TRIM17: variants seen among roughly 807,000 people sequenced by gnomAD.
TRIM17 encodes the protein tripartite motif containing 17, also known as E3 ubiquitin-protein ligase TRIM17.
A neutral mutation model predicts 35.8 loss-of-function variants in TRIM17; 27 were observed. The ratio of observed to expected loss-of-function variants is 0.75; its 90% CI spans 0.56 to 1.04. The LOEUF (loss-of-function observed/expected upper bound fraction) is 1.04, where lower values mean the gene tolerates loss of function less well. Among genes scored for constraint, TRIM17 ranks in the 50% least tolerant of loss-of-function variants. The pLI is 0.00. For missense variants in TRIM17, 582 were observed against 612.8 expected (o/e 0.95, Z 0.53); for synonymous variants, 246 against 252.6 (o/e 0.97, Z 0.25).
At chr1:228,415,364 C>T (rs1315653735) in intron 1 of TRIM17, 11 of 334,542 alleles carry the variant, frequency 3.3e-5, no homozygotes, top group East Asian at 3.1e-4. Context: ...CGTCCACTTC[C>T]GCCTGCTGCT....
Position 228,411,861 on chromosome 1 carries a change from T to C in TRIM17, c.526-685A>G, listed in dbSNP as rs1370172726. On this transcript the variant is annotated intron_variant, in intron 3 of 6. Transcript: ENST00000366698. The surrounding 1 kb of genome is among the most constrained non-coding windows in gnomAD (Gnocchi z 4.2). ...TTGCCCAGGCTGGGGTTCAGTGGCA[T>C]GATCATGGTTCACTGCTGTCTCAGA... is the stretch of plus-strand genomic sequence containing the variant. Among the ~76,000 whole-genome samples the C allele has an allele frequency of 1.3e-5, 2 of 152,090 alleles. No individual in the cohort carries two copies. Among genetic ancestry groups the C allele is most frequent in the African/African-American group, 2.4e-5 (1 of 41,414 alleles).
At position 228,409,403 on chromosome 1, in the gene TRIM17, CT is replaced by C; in HGVS notation, c.764del (p.Lys255ArgfsTer4). On this transcript the variant is annotated frameshift_variant, in exon 5 of 7. Transcript: ENST00000366698. LOFTEE classifies it high-confidence loss of function. ...QGPLQMLQDM[K>X]EPLSRKNNVS... ...GGACCACATACCTGCTCAGGGGTTC[CT>C]TCATGTCCTGCAAAAGACAGGGACG... 6.5e-7 allele frequency: 1 copy of C among 1,549,548 alleles called. No individual in the cohort carries two copies. The highest frequency in any genetic ancestry group is 8.7e-7 in the Non-Finnish European group (1 of 1,150,346).
In TRIM17 at chr1:228,410,424, C is replaced by T. The variant is rs553661405; in HGVS notation, c.756+522G>A. Among the ~76,000 whole-genome samples the T allele has an allele frequency of 1.1e-4, 17 of 152,092 alleles. No homozygotes were observed. In the South Asian group the frequency reaches 1.3e-3, roughly 11 times the overall value. On this transcript the variant is annotated intron_variant, in intron 4 of 6. Coordinates refer to ENST00000366698, the MANE Select transcript of TRIM17 (RefSeq NM_016102.4). This position sits in a 1 kb window ranked among gnomAD's most constrained non-coding sequence, Gnocchi z 4.6. ...CTGGGACAGTGCACCTCCTCCACACCGAGACATGGAGTCCCTGTCCCAAAG... is the reference window on the plus strand; with the variant it reads ...CTGGGACAGTGCACCTCCTCCACACTGAGACATGGAGTCCCTGTCCCAAAG...
At position 228,410,957 on chromosome 1, in the gene TRIM17, G is replaced by A. The variant is rs61758090; in HGVS notation, c.745C>T (p.Gln249Ter). 6.4e-7 allele frequency: 1 copy of A among 1,573,144 alleles called. No individual in the cohort carries two copies. The highest frequency in any genetic ancestry group is 1.2e-5 in the South Asian group (1 of 86,252). Reference sequence around the variant, plus strand: ...GCCTACTGGCTCACCTGCAGCATCTGGAGGGGCCCCTGTGTGCTCCGCTCC... The same window carrying A: ...GCCTACTGGCTCACCTGCAGCATCTAGAGGGGCCCCTGTGTGCTCCGCTCC... ...LEERSTQGPL[Q>*]MLQDMKEPLS... Residue 249 changes from glutamine to a stop codon, truncating the protein, a stop_gained, in exon 4 of 7, where the codon CAG (glutamine) becomes TAG (stop). Transcript: ENST00000366698. LOFTEE classifies it high-confidence loss of function. This position sits in a 1 kb window ranked among gnomAD's most constrained non-coding sequence, Gnocchi z 4.6.
chr1:228,410,030 G>A lies in TRIM17; in HGVS notation c.757-619C>T, dbSNP rs1249928301. Among the ~76,000 whole-genome samples the A allele has an allele frequency of 1.3e-5, 2 of 152,108 alleles. No homozygotes were observed. The highest frequency in any genetic ancestry group is 1.9e-4 in the East Asian group (1 of 5,186). On this transcript the variant is annotated intron_variant, in intron 4 of 6. Coordinates refer to ENST00000366698, the MANE Select transcript of TRIM17 (RefSeq NM_016102.4). This position sits in a 1 kb window ranked among gnomAD's most constrained non-coding sequence, Gnocchi z 4.6. ...TAGGAGCACCCTTCTACCAGCTGCA[G>A]GGGCTTTTCCCTCAGTTGGTCAGCA...
Position 228,408,593 on chromosome 1 carries a change from A to G in TRIM17, c.1042T>C (p.Ser348Pro). Reference protein sequence around the residue: ...PCAVGQTAFSSGRHYWEVGMN... With the variant: ...PCAVGQTAFSPGRHYWEVGMN... ...CCCACCTCCCAGTAGTGCCTCCCAG[A>G]GGAGAAGGCCGTCTGGCCCACAGCA... Residue 348 changes from serine to proline, a missense_variant, in exon 7 of 7, where the codon TCT (serine) becomes CCT (proline). Physicochemically the swap from Ser to Pro is moderately conservative, Grantham distance 74. Coordinates refer to ENST00000366698, the MANE Select transcript of TRIM17 (RefSeq NM_016102.4). The surrounding 1 kb of genome is among the most constrained non-coding windows in gnomAD (Gnocchi z 6.3). The G allele has an allele frequency of 1.2e-6, 2 of 1,613,950 alleles. No homozygotes were observed. The highest frequency in any genetic ancestry group is 1.7e-6 in the Non-Finnish European group (2 of 1,179,954).
Position 228,408,346 on chromosome 1 carries a change from G to T in TRIM17, c.1289C>A (p.Ser430Tyr), listed in dbSNP as rs1271277425. The change falls in exon 7 of 7, where the codon TCC becomes TAC. Residue 430 changes from serine (S) to tyrosine (Y), a missense_variant. By Grantham distance (144) the Ser-to-Tyr change is moderately radical (BLOSUM62 -2). Transcript: ENST00000366698. The surrounding 1 kb of genome is among the most constrained non-coding windows in gnomAD (Gnocchi z 6.3). Reference protein sequence around the residue: ...IFLDFEAGEVSFYSVSDGSHL... With the variant: ...IFLDFEAGEVYFYSVSDGSHL... ...GGACCCATCGCTTACACTGTAGAAG[G>T]ACACTTCCCCGGCTTCGAAGTCCAG... The T allele has an allele frequency of 6.2e-7, 1 of 1,614,080 alleles. No individual in the cohort carries two copies. The highest frequency in any genetic ancestry group is 1.3e-5 in the African/African-American group (1 of 75,038).
chr1:228,416,520 C>A lies in TRIM17; in HGVS notation c.-42+19G>T, dbSNP rs542851043. The A allele has an allele frequency of 7.2e-5, 71 of 985,390 alleles. No homozygotes were observed. The African/African-American group carries it at 1.2e-3, about 17-fold the overall frequency. The allele number at this position is 985,390 out of a possible 1,614,324, so 61.0% of individuals were successfully genotyped here. On this transcript the variant is annotated intron_variant, in intron 1 of 6. Coordinates refer to ENST00000366698, the MANE Select transcript of TRIM17 (RefSeq NM_016102.4). ...CGCCACAGGAGGGTAGCCTAGGCGG[C>A]GGGGTGGGGGCTACTCACCGCGGGG...
intron 6 of TRIM17, 121 bp downstream of exon 6, chr1:228,409,051 C>T: frequency 6.2e-7 from 1 of 1,611,702 alleles, no homozygotes; most frequent in Non-Finnish European, 8.5e-7. Context: ...TAGCCAGTGA[C>T]CGTCACCAGG....
rs1226243631 is a variant in TRIM17, at chr1:228,414,904, T to C, written c.169A>G (p.Lys57Glu). The change falls in exon 2 of 7, where the codon AAG (lysine) becomes GAG (glutamate). Residue 57 changes from lysine to glutamate, a missense_variant. By Grantham distance (56) the Lys-to-Glu change is moderately conservative (BLOSUM62 1). Transcript: ENST00000366698. Reference protein sequence around the residue: ...ARGKKGRRKRKGSFPCPECRE... With the variant: ...ARGKKGRRKREGSFPCPECRE... The stretch of plus-strand genomic sequence containing the variant: ...CACTCGGGGCAGGGGAAGGAGCCCT[T>C]CCGCTTCCGCCTCCCCTTCTTGCCC... 6.2e-7 allele frequency: 1 copy of C among 1,613,608 alleles called. No homozygotes were observed. Among genetic ancestry groups the C allele is most frequent in the Non-Finnish European group, 8.5e-7 (1 of 1,180,026 alleles).
At chr1:228,415,164 C>T in intron 1 of TRIM17, 51 bp from the exon 2 acceptor site, 4 of 1,429,120 alleles carry the variant, frequency 2.8e-6, no homozygotes, top group Non-Finnish European at 3.7e-6. Flanking sequence ...CGGCAGTGTG[C>T]AACCGTCCTG....
rs753153845 is a variant in TRIM17, at chr1:228,415,118, A to G, written c.-41-5T>C. On this transcript the variant is annotated splice_region_variant and splice_polypyrimidine_tract_variant and intron_variant, in intron 1 of 6. Transcript: ENST00000366698. Reference sequence around the variant, plus strand: ...CAGGTTCCCGCTTGAGGGACTCTGGAGAGAGTTGGAGGGAGCAGCCCGATG... The same window carrying G: ...CAGGTTCCCGCTTGAGGGACTCTGGGGAGAGTTGGAGGGAGCAGCCCGATG... The G allele has an allele frequency of 1.1e-5, 17 of 1,554,034 alleles. 1 individual carries two copies. The highest frequency in any genetic ancestry group is 1.4e-5 in the Non-Finnish European group (16 of 1,148,588).
At chr1:228,409,019 C>T (rs763494104) in intron 6 of TRIM17, 153 bp downstream of exon 6, 17 of 1,590,748 alleles carry the variant, frequency 1.1e-5, no homozygotes, top group Admixed American at 1.8e-5. Context: ...CCAGTAACGC[C>T]GCCCTACGAA....
chr1:228,414,431 C>T (rs1558458767), intron 2 of TRIM17, among the ~76,000 whole-genome samples: 3 of 152,204 alleles, frequency 2.0e-5, no homozygotes, highest in South Asian at 4.1e-4. Flanking sequence ...TAAGATTTTG[C>T]AATGCCTGCA....
rs1657142957 is a variant in TRIM17 at position 228,416,547 on chromosome 1, AG to A, written c.-51del. The A allele has an allele frequency of 1.0e-6, 1 of 984,966 alleles. No individual in the cohort carries two copies. The highest frequency in any genetic ancestry group is 1.1e-4 in the East Asian group (1 of 8,706). The allele number at this position is 984,966 out of a possible 1,614,324, so 61.0% of individuals were successfully genotyped here. ...GGGTGGGGGCTACTCACCGCGGGGA[AG>A]GGGGGCCCGCACAGCGCCTAGTGCA... On this transcript the variant is annotated 5_prime_UTR_variant, in exon 1 of 7. Transcript: ENST00000366698.
chr1:228,414,989 C>T lies in TRIM17; in HGVS notation c.84G>A (p.Met28Ile), dbSNP rs1657014471. 1 of 1,613,124 alleles carries T rather than the reference C, an allele frequency of 6.2e-7. No individual in the cohort carries two copies. Among genetic ancestry groups the T allele is most frequent in the Non-Finnish European group, 8.5e-7 (1 of 1,180,040 alleles). The change falls in exon 2 of 7, where the codon ATG becomes ATA. Residue 28 changes from methionine to isoleucine, a missense_variant. Coordinates refer to ENST00000366698, the MANE Select transcript of TRIM17 (RefSeq NM_016102.4). ...GGCAGAAGTTGTGGCCACAGGTGGT[C>T]ATCACAGGGTCTGTGAAGTAATCCA... ...ICLDYFTDPV[M>I]TTCGHNFCRA... is the part of the protein sequence containing the mutation.
Position 228,408,863 on chromosome 1 carries a change from G to A in TRIM17, c.884-112C>T, listed in dbSNP as rs1023664270. On this transcript the variant is annotated intron_variant, in intron 6 of 6. Coordinates refer to ENST00000366698, the MANE Select transcript of TRIM17 (RefSeq NM_016102.4). This position sits in a 1 kb window ranked among gnomAD's most constrained non-coding sequence, Gnocchi z 6.3. ...ATGTGGCCAATGGTCCCCTAACTCCGCAGAGGCCTCCCCTGCTGTGAATCT... is the reference window on the plus strand; with the variant it reads ...ATGTGGCCAATGGTCCCCTAACTCCACAGAGGCCTCCCCTGCTGTGAATCT... The A allele has an allele frequency of 1.0e-5, 15 of 1,492,412 alleles. No individual in the cohort carries two copies. The highest frequency in any genetic ancestry group is 4.2e-5 in the African/African-American group (3 of 71,682). The allele number at this position is 1,492,412 out of a possible 1,614,324, so 92.4% of individuals were successfully genotyped here.
In TRIM17 at chr1:228,408,226, G is replaced by C; in HGVS notation, c.1409C>G (p.Thr470Arg). The change falls in exon 7 of 7, where the codon ACA (threonine) becomes AGA (arginine). Residue 470 changes from threonine (T) to arginine (R), a missense_variant. Coordinates refer to ENST00000366698, the MANE Select transcript of TRIM17 (RefSeq NM_016102.4). The surrounding 1 kb of genome is among the most constrained non-coding windows in gnomAD (Gnocchi z 6.3). The part of the protein sequence containing the change: ...APKSGQMVIS[T>R]VTMWVKG ...CTATCCTTTCACCCACATGGTCACT[G>C]TGGAGATGACCATCTGACCAGACTT... 6.4e-7 allele frequency: 1 copy of C among 1,551,608 alleles called. No individual in the cohort carries two copies. Among genetic ancestry groups the C allele is most frequent in the Non-Finnish European group, 8.7e-7 (1 of 1,149,440 alleles).
chr1:228,415,300 C>G (rs892320513), intron 1 of TRIM17, 187 bp from the exon 2 acceptor site: 1 of 553,812 alleles, frequency 1.8e-6, no homozygotes, highest in Admixed American at 3.2e-5. Context: ...CCCTCCCTGA[C>G]CAATGCTCTG....
Sources: gnomAD v4.1 joint callset for allele counts (sites outside exome capture counted in the v4.1 genomes callset) on GRCh38, gnomAD v4.1.1 for gene constraint, Gnocchi (gnomAD v3.1) non-coding constraint, MANE v1.5 for transcripts, NCBI Gene and HGNC (gene_info 2026-07-23, HGNC 2026-07-21) for gene names.